PFKFB3: variants seen among roughly 807,000 people sequenced by gnomAD.
PFKFB3 encodes 6-phosphofructo-2-kinase/fructose-2,6-bisphosphatase 3.
Under a neutral mutation model 68.0 loss-of-function variants are expected in PFKFB3, and 33 were observed. The ratio of observed to expected loss-of-function variants is 0.49; its 90% CI spans 0.37 to 0.65. The LOEUF is 0.65. PFKFB3 is among the 30% of genes least tolerant of loss of function. The pLI is 0.00. For missense variants in PFKFB3, 586 were observed against 712.2 expected (o/e 0.82, Z 2.02); for synonymous variants, 315 against 288.2 (o/e 1.09, Z -0.94).
intron 1 of PFKFB3, chr10:6,146,345 G>A (rs1015260307): frequency 1.3e-6 from 2 of 1,530,976 alleles, no homozygotes; most frequent in Non-Finnish European, 1.7e-6. Context: ...GAAGGGGGTG[G>A]CTGCTGACTC....
the PFKFB3 span, among the ~76,000 whole-genome samples, chr10:6,323,593 A>G: frequency 1.3e-5 from 2 of 152,340 alleles, no homozygotes; most frequent in East Asian, 3.9e-4. Context: ...AAGAGGAAAA[A>G]AATTTTCACA....
intron 1 of PFKFB3, among the ~76,000 whole-genome samples, chr10:6,173,719 T>G (rs1221591401): frequency 6.6e-6 from 1 of 151,336 alleles, no homozygotes; most frequent in Non-Finnish European, 1.5e-5. Flanking sequence ...GCAGATCAGC[T>G]GCGGGGGTGC....
At chr10:6,237,439 T>TC (rs1846039641), downstream of PFKFB3, among the ~76,000 whole-genome samples, 1 of 128,926 alleles carries the variant, frequency 7.8e-6, no homozygotes, top group Non-Finnish European at 1.8e-5. Context: ...TAGGAAGGCT[T>TC]TATAGAAGAA....
upstream of PFKFB3, among the ~76,000 whole-genome samples, chr10:6,200,683 T>TGGGGGGGGGGGGG (rs1564613510): frequency 1.0e-4 from 1 of 9,644 alleles, no homozygotes; most frequent in Non-Finnish European, 2.4e-4. Context: ...GGGCGGGGGG[T>TGGGGGGGGGGGGG]GGTGGTGGGG....
intron 14 of PFKFB3, among the ~76,000 whole-genome samples, chr10:6,230,835 C>T (rs1845690962): frequency 1.3e-5 from 2 of 152,080 alleles, no homozygotes; most frequent in South Asian, 4.1e-4. Flanking sequence ...CCTGCCTCAA[C>T]CTCCCGAGTA....
At chr10:6,161,050 C>T (rs1339062442) in intron 1 of PFKFB3, among the ~76,000 whole-genome samples, 3 of 152,092 alleles carry the variant, frequency 2.0e-5, no homozygotes, top group African/African-American at 7.2e-5. Context: ...ATTCTCCTGC[C>T]TCAGACTCCC....
chr10:6,232,120 A>G (rs543190838), intron 14 of PFKFB3, among the ~76,000 whole-genome samples: 1 of 152,268 alleles, frequency 6.6e-6, no homozygotes, highest in East Asian at 1.9e-4. Context: ...ACTGGAGAGA[A>G]TAGTTTTAAA....
the PFKFB3 span, among the ~76,000 whole-genome samples, chr10:6,274,104 A>C: frequency 2.0e-5 from 3 of 152,006 alleles, no homozygotes; most frequent in Non-Finnish European, 4.4e-5. Context: ...GGAAGGCTGA[A>C]GGGGAAGACC....
intron 1 of PFKFB3, among the ~76,000 whole-genome samples, chr10:6,167,053 C>G (rs115339929): frequency 0.015 from 2,235 of 152,288 alleles, 63 homozygotes; most frequent in African/African-American, 0.05. Flanking sequence ...CTCCCCATCT[C>G]AGGTGATGGG....
chr10:6,254,915 T>C, downstream of PFKFB3, among the ~76,000 whole-genome samples: 1 of 148,354 alleles, frequency 6.7e-6, no homozygotes, highest in East Asian at 2.1e-4. Flanking sequence ...ACTCCTGGGT[T>C]CCAGTGGTTC....
chr10:6,175,915 A>G (rs187169783), intron 1 of PFKFB3, among the ~76,000 whole-genome samples: 130 of 152,300 alleles, frequency 8.5e-4, no homozygotes, highest in African/African-American at 3.0e-3. Context: ...AATCCATACA[A>G]TCATCTTGGC....
In PFKFB3 at chr10:6,180,970, AGAGAC is replaced by A. The variant is rs1390172157; in HGVS notation, c.17-32652_17-32648del. ...AAAAGATAAAGTTTGGAAGTGAAAC[AGAGAC>A]TAGAACAGATATTTGTCACACCCAT... On this transcript the variant is annotated intron_variant, in intron 1 of 14. Transcript: ENST00000379789. 3.3e-5 allele frequency among the ~76,000 whole-genome samples: 5 copies of A among 152,312 alleles called. No individual in the cohort carries two copies. In the East Asian group the frequency reaches 7.7e-4, roughly 23 times the overall value.
At chr10:6,286,497 C>T in the PFKFB3 span, among the ~76,000 whole-genome samples, 1 of 152,206 alleles carries the variant, frequency 6.6e-6, no homozygotes, top group Non-Finnish European at 1.5e-5. Flanking sequence ...CCTGCCTCAG[C>T]CTCCCAAATA....
chr10:6,264,075 G>C, the PFKFB3 span, among the ~76,000 whole-genome samples: 1 of 152,210 alleles, frequency 6.6e-6, no homozygotes, highest in Non-Finnish European at 1.5e-5. Flanking sequence ...GATGACAAGG[G>C]TTTGGTGTCA....
chr10:6,169,677 G>T (rs907509920), intron 1 of PFKFB3, among the ~76,000 whole-genome samples: 1 of 152,144 alleles, frequency 6.6e-6, no homozygotes, highest in Non-Finnish European at 1.5e-5. Flanking sequence ...CTCTCTAGAG[G>T]CTTACAAACA....
chr10:6,212,962 CT>C (rs1326415887), intron 1 of PFKFB3, among the ~76,000 whole-genome samples: 1 of 152,186 alleles, frequency 6.6e-6, no homozygotes, highest in South Asian at 2.1e-4. Context: ...GGAATCCACC[CT>C]CTTGACTCTT....
rs145521319 is a variant in PFKFB3 at position 6,179,487 on chromosome 10, G to T, written c.17-34136G>T. Among the ~76,000 whole-genome samples the T allele has an allele frequency of 3.3e-5, 5 of 152,328 alleles. No homozygotes were observed. The East Asian group carries it at 7.7e-4, about 23-fold the overall frequency. On this transcript the variant is annotated intron_variant, in intron 1 of 14. Coordinates refer to the PFKFB3 transcript ENST00000379789. ...CAAGGGGCAGGAATGGAGCATGGGG[G>T]AGGCTGTAAAATAGATCACTCAGGC... is the stretch of plus-strand genomic sequence containing the variant.
chr10:6,221,012 C>G lies in PFKFB3; in HGVS notation c.831+147C>G, dbSNP rs910387325. The G allele has an allele frequency of 3.3e-5, 25 of 765,420 alleles. 1 individual carries two copies. Among genetic ancestry groups the G allele is most frequent in the East Asian group, 1.3e-4 (5 of 37,580 alleles). 47.4% of individuals were successfully genotyped at this position (765,420 alleles called of 1,614,324 possible). ...TGTGTTATCTGTGTGTGCGCCTGCACGTCTCTATGCATATCTGTGTGCATC... is the reference window on the plus strand; with the variant it reads ...TGTGTTATCTGTGTGTGCGCCTGCAGGTCTCTATGCATATCTGTGTGCATC... On this transcript the variant is annotated intron_variant, in intron 8 of 14. Transcript: ENST00000379775.
intron 1 of PFKFB3, among the ~76,000 whole-genome samples, chr10:6,180,432 T>C (rs1452242023): frequency 1.3e-5 from 2 of 152,218 alleles, no homozygotes; most frequent in Non-Finnish European, 2.9e-5. Flanking sequence ...TCAATTTTCT[T>C]CAAGTTTTTT....
Sources: allele counts gnomAD v4.1 joint callset (sites outside exome capture counted in the v4.1 genomes callset), GRCh38; gene constraint gnomAD v4.1.1; transcripts MANE v1.5; gene names NCBI Gene and HGNC (gene_info 2026-07-23, HGNC 2026-07-21).